TLN2: variants seen among roughly 807,000 people sequenced by gnomAD.
TLN2 encodes the protein talin 2, also known as talin-2.
Under a neutral mutation model 294.7 loss-of-function variants are expected in TLN2, and 118 were observed. The observed-to-expected ratio is 0.40, with a 90% CI of 0.34 to 0.47. TLN2 has a LOEUF of 0.47. TLN2 is among the 20% of genes least tolerant of loss of function. TLN2 has a pLI of 0.84. For synonymous variants in TLN2, 1,431 were observed against 1,304.5 expected (o/e 1.10, Z -2.09); for missense variants, 3,083 against 3,282.2 (o/e 0.94, Z 1.48).
intron 54 of TLN2, chr15:62,829,426 A>AACTT (rs2068550463): frequency 6.6e-6 from 1 of 152,080 alleles, no homozygotes; most frequent in African/African-American, 2.4e-5. Flanking sequence ...GATCTCATGA[A>AACTT]ACTTACTCAC....
chr15:62,674,147 T>G (rs943047255), intron 10 of TLN2, among the ~76,000 whole-genome samples: 1 of 152,250 alleles, frequency 6.6e-6, no homozygotes, highest in African/African-American at 2.4e-5. Flanking sequence ...GGCATTATCT[T>G]GGTAACATTG....
chr15:62,719,932 G>A (rs751264188), intron 25 of TLN2, 52 bp downstream of exon 25: 1 of 1,406,454 alleles, frequency 7.1e-7, no homozygotes, highest in Non-Finnish European at 9.6e-7. Context: ...TTCTGGGCAG[G>A]GGCTGCCCTT....
chr15:62,593,387 G>A (rs1433476602), intron 2 of TLN2, among the ~76,000 whole-genome samples: 2 of 152,114 alleles, frequency 1.3e-5, no homozygotes, highest in African/African-American at 4.8e-5. Context: ...CTTAGTAAAT[G>A]TTTCAGAACA....
Position 62,764,840 on chromosome 15 carries a change from G to A in TLN2, c.5094+1145G>A, listed in dbSNP as rs570805043. Reference sequence around the variant, plus strand: ...AAATTAGCCGAGCATGGTGGCGGGCGCCTGTAATCCCAGCCACCCAGGAGG... The same window carrying A: ...AAATTAGCCGAGCATGGTGGCGGGCACCTGTAATCCCAGCCACCCAGGAGG... On this transcript the variant is annotated intron_variant, in intron 40 of 58. Transcript: ENST00000636159. Among the ~76,000 whole-genome samples, 5 of 151,976 alleles carry A rather than the reference G, an allele frequency of 3.3e-5. No homozygotes were observed. In the East Asian group the frequency reaches 5.8e-4, roughly 18 times the overall value.
intron 1 of TLN2, among the ~76,000 whole-genome samples, chr15:62,578,885 G>C (rs1406289445): frequency 1.3e-5 from 2 of 152,140 alleles, no homozygotes; most frequent in African/African-American, 4.8e-5. Context: ...CTTGGTGCTG[G>C]GTGCTTGAAT....
chr15:62,820,696 G>A, intron 54 of TLN2, 86 bp downstream of exon 54: 1 of 1,521,564 alleles, frequency 6.6e-7, no homozygotes. Context: ...GTGCTGCAGG[G>A]AGCTTGGCTC....
At chr15:62,787,693 CTTTTTTTTTTTTTT>C (rs71672889) in intron 45 of TLN2, among the ~76,000 whole-genome samples, 4 of 65,562 alleles carry the variant, frequency 6.1e-5, no homozygotes, top group African/African-American at 2.1e-4. Context: ...AACTCCTTAT[CTTTTTTTTTTTTTT>C]TTTTTTTTTG....
Position 62,841,412 on chromosome 15 carries a change from A to G in TLN2, c.*802A>G, listed in dbSNP as rs2070687991. The G allele has an allele frequency of 6.6e-6, 1 of 152,112 alleles. No homozygotes were observed. The highest frequency in any genetic ancestry group is 1.5e-5 in the Non-Finnish European group (1 of 68,038). 9.4% of individuals were successfully genotyped at this position (152,112 alleles called of 1,614,324 possible). A position where few individuals can be genotyped will look rare whatever the true frequency, so the allele number is the denominator to read the frequency against. On this transcript the variant is annotated 3_prime_UTR_variant, in exon 59 of 59. Transcript: ENST00000636159. ...CACAAACCCACGGCTCCCAGTTGAC[A>G]GTCAGTGGAATGCTCGTCTCCTTAG...
intron 1 of TLN2, among the ~76,000 whole-genome samples, chr15:62,423,028 T>G (rs190782705): frequency 6.6e-6 from 1 of 152,360 alleles, no homozygotes; most frequent in Non-Finnish European, 1.5e-5. Flanking sequence ...TGCAGCTGGC[T>G]TCTCCCAGGG....
At chr15:62,432,426 C>T (rs941186196) in intron 1 of TLN2, among the ~76,000 whole-genome samples, 9 of 152,278 alleles carry the variant, frequency 5.9e-5, no homozygotes, top group Middle Eastern at 3.4e-3. Context: ...CAAATCCACT[C>T]CTGCAAGTGC....
intron 1 of TLN2, among the ~76,000 whole-genome samples, chr15:62,570,826 C>T (rs761229161): frequency 3.9e-5 from 6 of 152,170 alleles, no homozygotes; most frequent in Non-Finnish European, 7.3e-5. Context: ...TTGAGAACCA[C>T]TGGCTAAGCC....
At chr15:62,582,246 A>ACACACACACCCACCCC (rs764248336) in intron 1 of TLN2, among the ~76,000 whole-genome samples, 1 of 137,240 alleles carries the variant, frequency 7.3e-6, no homozygotes, top group Non-Finnish European at 1.6e-5. Flanking sequence ...ACACACACAC[A>ACACACACACCCACCCC]CATTCATGCC....
rs58523803 is a variant in TLN2, at chr15:62,570,903, CTGTGTGTGTGTGTGTGTGTGTGTGTGTG to C, written c.-237-18770_-237-18743del. Among the ~76,000 whole-genome samples the C allele has an allele frequency of 3.5e-5, 5 of 143,918 alleles. No homozygotes were observed. In the South Asian group the frequency reaches 9.5e-4, roughly 27 times the overall value. 94.4% of individuals were successfully genotyped at this position (143,918 alleles called of 152,430 possible). ...GGAAGAAGCTTCCATGCACAGGCATCTGTGTGTGTGTGTGTGTGTGTGTGTGTGTGTGTGTGTGTGTAGGGAGGAGTGG... is the reference window on the plus strand; with the variant it reads ...GGAAGAAGCTTCCATGCACAGGCATCTGTGTGTGTGTGTAGGGAGGAGTGG... On this transcript the variant is annotated intron_variant, in intron 1 of 58. Transcript: ENST00000636159.
chr15:62,498,971 A>G (rs2039160971), intron 1 of TLN2, among the ~76,000 whole-genome samples: 1 of 152,226 alleles, frequency 6.6e-6, no homozygotes, highest in Non-Finnish European at 1.5e-5. Flanking sequence ...TGCTGACTTA[A>G]TGACTAGTGA....
At chr15:62,564,762 C>T (rs2043242419) in intron 1 of TLN2, among the ~76,000 whole-genome samples, 1 of 151,776 alleles carries the variant, frequency 6.6e-6, no homozygotes, top group African/African-American at 2.4e-5. Context: ...CAAAAATTAG[C>T]TGGGCATGGT....
chr15:62,659,576 C>A (rs1218795526), intron 9 of TLN2, among the ~76,000 whole-genome samples: 1 of 152,234 alleles, frequency 6.6e-6, no homozygotes, highest in African/African-American at 2.4e-5. Context: ...TCCACACTCA[C>A]ACTCCAGCAA....
At chr15:62,578,982 G>A (rs1449657800) in intron 1 of TLN2, among the ~76,000 whole-genome samples, 1 of 152,190 alleles carries the variant, frequency 6.6e-6, no homozygotes, top group Non-Finnish European at 1.5e-5. Context: ...GCCATTTTAT[G>A]CAGAGAAACC....
At position 62,736,759 on chromosome 15, in the gene TLN2, A is replaced by G. The variant is rs532424368; in HGVS notation, c.3359-119A>G. On this transcript the variant is annotated intron_variant, in intron 28 of 58. Coordinates refer to ENST00000636159, the MANE Select transcript of TLN2 (RefSeq NM_015059.3). ...TGAGAAACACAGCAATTCAAATTTT[A>G]TGAAGACTAATCTGCAGCTCCCCTT... The G allele has an allele frequency of 6.3e-6, 7 of 1,110,588 alleles. No homozygotes were observed. The East Asian group carries it at 1.0e-4, about 16-fold the overall frequency. The allele number at this position is 1,110,588 out of a possible 1,614,324, so 68.8% of individuals were successfully genotyped here.
intron 2 of TLN2, among the ~76,000 whole-genome samples, chr15:62,595,444 A>G (rs2046414095): frequency 6.6e-6 from 1 of 151,776 alleles, no homozygotes; most frequent in Non-Finnish European, 1.5e-5. Context: ...ATGAAAGATA[A>G]CAAGTGTTGG....
Sources: allele counts gnomAD v4.1 joint callset (sites outside exome capture counted in the v4.1 genomes callset), GRCh38; gene constraint gnomAD v4.1.1; transcripts MANE v1.5; gene names NCBI Gene and HGNC (gene_info 2026-07-23, HGNC 2026-07-21).